The following ENOX1 variants were observed in gnomAD, a reference collection of about 807,000 sequenced individuals.
The protein encoded by ENOX1 is candidate growth-related and time keeping constitutive hydroquinone (NADH) oxidase.
ENOX1 carries 42 observed loss-of-function variants against 82.5 expected under a neutral mutation model. That is an observed-to-expected ratio of 0.51 (90% confidence interval 0.40 to 0.66). The LOEUF (loss-of-function observed/expected upper bound fraction) is 0.66. Ranked by LOEUF, ENOX1 falls within the 30% of genes least tolerant of loss-of-function variation. The pLI, the probability that ENOX1 is intolerant of heterozygous loss-of-function variation, is 0.00. For missense variants in ENOX1, 608 were observed against 811.6 expected, an observed-to-expected ratio of 0.75 and a Z score of 3.05; for synonymous variants, 271 against 282.2, an observed-to-expected ratio of 0.96 and a Z score of 0.40.
intron 2 of ENOX1, among the ~76,000 whole-genome samples, chr13:43,528,331 A>C (rs2078068191): frequency 6.6e-6 from 1 of 152,134 alleles, no homozygotes; most frequent in Non-Finnish European, 1.5e-5. Context: ...TTGTATACAT[A>C]GGACTGTTGT....
chr13:43,357,998 A>C (rs2050257763), intron 7 of ENOX1, among the ~76,000 whole-genome samples: 1 of 152,114 alleles, frequency 6.6e-6, no homozygotes, highest in Non-Finnish European at 1.5e-5. Context: ...CCAGGTAGGG[A>C]AGCTGGAGGT....
intron 2 of ENOX1, among the ~76,000 whole-genome samples, chr13:43,533,167 C>G (rs979159204): frequency 6.6e-6 from 1 of 152,044 alleles, no homozygotes; most frequent in Non-Finnish European, 1.5e-5. Flanking sequence ...GAGAAATGTG[C>G]ACCCGGTGAG....
At chr13:43,660,411 A>G (rs572051464) in intron 2 of ENOX1, among the ~76,000 whole-genome samples, 1 of 152,330 alleles carries the variant, frequency 6.6e-6, no homozygotes, top group South Asian at 2.1e-4. Context: ...TTTTGCATTG[A>G]CATTGAAATG....
At chr13:43,780,371 A>G (rs900955755) in intron 1 of ENOX1, among the ~76,000 whole-genome samples, 1 of 152,192 alleles carries the variant, frequency 6.6e-6, no homozygotes, top group African/African-American at 2.4e-5. Context: ...TTCCACTATT[A>G]AAACTAAGCA....
chr13:43,213,989 G>T lies in ENOX1; in HGVS notation c.*1C>A, dbSNP rs763666367. ...TTCCAGAGATGCTTTGCTCTTCGCA[G>T]TTAGGTAGTTTTAATTCCTTCAAAG... On this transcript the variant is annotated 3_prime_UTR_variant, in exon 17 of 17. Transcript: ENST00000690772. 9.3e-6 allele frequency: 15 copies of T among 1,613,464 alleles called. No homozygotes were observed. The highest frequency in any genetic ancestry group is 1.0e-5 in the Non-Finnish European group (12 of 1,179,660).
chr13:43,773,028 C>A (rs1452823132), intron 1 of ENOX1, among the ~76,000 whole-genome samples: 1 of 152,188 alleles, frequency 6.6e-6, no homozygotes, highest in Non-Finnish European at 1.5e-5. Context: ...CTGGATGATT[C>A]TACTCTTCTC....
chr13:43,374,249 CTT>C (rs532163452), intron 5 of ENOX1, among the ~76,000 whole-genome samples: 5 of 127,918 alleles, frequency 3.9e-5, no homozygotes, highest in South Asian at 2.5e-4. Context: ...CTTTTCTTTT[CTT>C]TTTTTTTTTT....
intron 3 of ENOX1, chr13:43,458,957 A>C (rs1357100254): frequency 2.0e-5 from 3 of 152,160 alleles, no homozygotes; most frequent in African/African-American, 7.2e-5. Flanking sequence ...ACTTTGGAAA[A>C]GACTGGATGA....
At chr13:43,583,041 G>T (rs1361140146) in intron 2 of ENOX1, among the ~76,000 whole-genome samples, 1 of 151,922 alleles carries the variant, frequency 6.6e-6, no homozygotes, top group African/African-American at 2.4e-5. Context: ...AGCCTAGATG[G>T]TTTCATAGCA....
At chr13:43,602,934 C>T (rs1245773846) in intron 2 of ENOX1, among the ~76,000 whole-genome samples, 4 of 152,190 alleles carry the variant, frequency 2.6e-5, no homozygotes, top group African/African-American at 9.6e-5. Context: ...TCAAAAAGTA[C>T]ATGCTATCAT....
intron 15 of ENOX1, among the ~76,000 whole-genome samples, chr13:43,226,295 T>C (rs775762153): frequency 9.9e-5 from 15 of 152,242 alleles, no homozygotes; most frequent in South Asian, 4.1e-4. Flanking sequence ...AAGTTTTAAA[T>C]TGATATATAA....
chr13:43,571,178 C>G (rs954571385), intron 2 of ENOX1, among the ~76,000 whole-genome samples: 6 of 152,112 alleles, frequency 3.9e-5, no homozygotes, highest in African/African-American at 1.4e-4. Flanking sequence ...CGGCTGTCTA[C>G]CAATGCCTGT....
chr13:43,522,773 C>A (rs999214252), intron 2 of ENOX1, among the ~76,000 whole-genome samples: 2 of 152,224 alleles, frequency 1.3e-5, no homozygotes, highest in Admixed American at 1.3e-4. Context: ...TGACTACATA[C>A]AATTACTATC....
At chr13:43,418,243 T>G (rs182666168) in intron 3 of ENOX1, among the ~76,000 whole-genome samples, 3 of 149,540 alleles carry the variant, frequency 2.0e-5, no homozygotes, top group Admixed American at 6.7e-5. Flanking sequence ...TAATGTAATT[T>G]AAGGCTGGGC....
In ENOX1 at chr13:43,298,469, A is replaced by G. The variant is rs778283075; in HGVS notation, c.1323T>C (p.Asp441=). 1 of 1,614,050 alleles carries G rather than the reference A, an allele frequency of 6.2e-7. No individual in the cohort carries two copies. The highest frequency in any genetic ancestry group is 8.5e-7 in the Non-Finnish European group (1 of 1,180,014). ...EENDSLRWQL[D]AYRNEVELLK... is the part of the protein sequence containing the mutation. ...GCAGCTCCACCTCATTCCTGTAGGC[A>G]TCCAGCTGCCAGCGGAGACTGTCAT... Residue 441 remains aspartate, a synonymous_variant, in exon 12 of 17, where the codon GAT becomes GAC. Transcript: ENST00000690772.
chr13:43,502,989 A>G (rs1040016076), intron 2 of ENOX1, among the ~76,000 whole-genome samples: 1 of 151,684 alleles, frequency 6.6e-6, no homozygotes, highest in African/African-American at 2.4e-5. Flanking sequence ...ATACACACAG[A>G]AAGTGTTATA....
chr13:43,601,444 G>T (rs6561133), intron 2 of ENOX1, among the ~76,000 whole-genome samples: 64,605 of 151,502 alleles, frequency 0.43, 16,342 homozygotes, highest in East Asian at 0.8. Flanking sequence ...TCAAGCAGAA[G>T]AAAGAATTAG....
intron 7 of ENOX1, among the ~76,000 whole-genome samples, chr13:43,359,354 T>C (rs1159719515): frequency 2.0e-5 from 3 of 152,190 alleles, no homozygotes; most frequent in Non-Finnish European, 2.9e-5. Context: ...CCTATAAAAA[T>C]TGACACCAGA....
intron 2 of ENOX1, among the ~76,000 whole-genome samples, chr13:43,565,146 GGCCCCTCTGAGGAAGT>G (rs1169933287): frequency 6.6e-6 from 1 of 152,120 alleles, no homozygotes; most frequent in Non-Finnish European, 1.5e-5. Context: ...TGGGGTGGAA[GGCCCCTCTGAGGAAGT>G]GATATCTGAG....
Sources: gnomAD v4.1 joint callset for allele counts (sites outside exome capture counted in the v4.1 genomes callset) on GRCh38, gnomAD v4.1.1 for gene constraint, MANE v1.5 for transcripts, NCBI Gene and HGNC (gene_info 2026-07-23, HGNC 2026-07-21) for gene names.